LRP1B: variants seen among roughly 807,000 people sequenced by gnomAD.
LRP1B encodes the protein LDL receptor related protein 1B.
In LRP1B, 217 loss-of-function variants were observed where a neutral mutation model predicts 556.6. The observed-to-expected ratio is 0.39, with a 90% CI of 0.35 to 0.44. The LOEUF is 0.44. Among genes scored for constraint, LRP1B ranks in the 20% least tolerant of loss-of-function variants. The probability of loss-of-function intolerance (pLI) is 1.00; values close to 1 mark genes in which losing one functional copy is unlikely to be tolerated. For synonymous variants in LRP1B, 2,047 were observed against 1,865.8 expected (o/e 1.10, Z -2.50); for missense variants, 5,053 against 5,620.8 (o/e 0.90, Z 3.23).
chr2:141,163,572 G>A (rs1244303988), intron 7 of LRP1B, among the ~76,000 whole-genome samples: 1 of 152,044 alleles, frequency 6.6e-6, no homozygotes, highest in East Asian at 1.9e-4. Context: ...TAATTCCCAT[G>A]TGTTGTGGGA....
intron 1 of LRP1B, among the ~76,000 whole-genome samples, chr2:142,062,822 A>G (rs1704970547): frequency 6.6e-6 from 1 of 151,742 alleles, no homozygotes; most frequent in African/African-American, 2.4e-5. Flanking sequence ...ATGCCCAGAT[A>G]CTTTCAACAT....
chr2:141,299,527 G>A (rs1292542622), intron 3 of LRP1B, among the ~76,000 whole-genome samples: 4 of 152,054 alleles, frequency 2.6e-5, no homozygotes, highest in African/African-American at 9.7e-5. Context: ...TTCTTCTGTG[G>A]TCAGAGCAAA....
At chr2:141,479,667 A>G (rs1261610639) in intron 3 of LRP1B, among the ~76,000 whole-genome samples, 1 of 152,080 alleles carries the variant, frequency 6.6e-6, no homozygotes, top group Admixed American at 6.5e-5. Context: ...CTTGACTGAT[A>G]CCTTGATTCT....
At chr2:141,819,472 G>A (rs1046156958) in intron 1 of LRP1B, among the ~76,000 whole-genome samples, 7 of 152,122 alleles carry the variant, frequency 4.6e-5, no homozygotes, top group African/African-American at 1.4e-4. Context: ...TATGTTACTT[G>A]AGATAAGCCA....
chr2:140,751,613 G>C (rs190880084), intron 35 of LRP1B, among the ~76,000 whole-genome samples: 2 of 152,184 alleles, frequency 1.3e-5, no homozygotes, highest in East Asian at 3.9e-4. Context: ...AATTACAATT[G>C]ATGACATAGT....
At chr2:141,733,255 T>C (rs1693345098) in intron 2 of LRP1B, among the ~76,000 whole-genome samples, 1 of 152,166 alleles carries the variant, frequency 6.6e-6, no homozygotes, top group Non-Finnish European at 1.5e-5. Flanking sequence ...ACCACAAGGT[T>C]CCAGTTGCCT....
chr2:140,566,181 C>G (rs938873155), intron 43 of LRP1B, among the ~76,000 whole-genome samples: 3 of 152,138 alleles, frequency 2.0e-5, no homozygotes. Flanking sequence ...CATTCCCAAG[C>G]CATTCCACAA....
intron 41 of LRP1B, among the ~76,000 whole-genome samples, chr2:140,670,643 A>G (rs540771784): frequency 1.3e-5 from 2 of 151,784 alleles, no homozygotes; most frequent in East Asian, 3.9e-4. Flanking sequence ...GAACTGAGGA[A>G]CCAATGTTAT....
At chr2:141,220,507 C>A (rs1170898530) in intron 6 of LRP1B, among the ~76,000 whole-genome samples, 1 of 151,652 alleles carries the variant, frequency 6.6e-6, no homozygotes, top group Non-Finnish European at 1.5e-5. Flanking sequence ...TCACGACATC[C>A]AGGAGAACTT....
chr2:141,394,359 T>C (rs1690165353), intron 3 of LRP1B, among the ~76,000 whole-genome samples: 1 of 152,160 alleles, frequency 6.6e-6, no homozygotes, highest in Non-Finnish European at 1.5e-5. Context: ...ATAAATTTTC[T>C]TTGCTATTGG....
chr2:141,146,707 C>G (rs1701792583), intron 7 of LRP1B, among the ~76,000 whole-genome samples: 1 of 152,176 alleles, frequency 6.6e-6, no homozygotes, highest in Non-Finnish European at 1.5e-5. Flanking sequence ...TTGTCCTCCA[C>G]TCTCTTGGCA....
chr2:140,880,999 C>T (rs1413521798), intron 25 of LRP1B, among the ~76,000 whole-genome samples: 1 of 152,002 alleles, frequency 6.6e-6, no homozygotes, highest in Non-Finnish European at 1.5e-5. Context: ...GAAAATATAA[C>T]AGTATTTATA....
chr2:141,486,465 A>G (rs1683125541), intron 2 of LRP1B, among the ~76,000 whole-genome samples: 1 of 152,134 alleles, frequency 6.6e-6, no homozygotes, highest in Non-Finnish European at 1.5e-5. Context: ...CTGATTAAAG[A>G]AAATTGAGAT....
intron 41 of LRP1B, among the ~76,000 whole-genome samples, chr2:140,678,921 G>A (rs1285054524): frequency 6.6e-6 from 1 of 152,096 alleles, no homozygotes; most frequent in East Asian, 1.9e-4. Flanking sequence ...GGGATTACAG[G>A]CACCTGCCAT....
intron 2 of LRP1B, among the ~76,000 whole-genome samples, chr2:141,552,512 T>C (rs1427970356): frequency 6.6e-6 from 1 of 152,032 alleles, no homozygotes; most frequent in African/African-American, 2.4e-5. Flanking sequence ...GGTTATCTAT[T>C]TGGACTAATT....
At chr2:141,020,250 T>A (rs1213758971) in intron 11 of LRP1B, 148 bp from the exon 12 acceptor site, 3 of 468,254 alleles carry the variant, frequency 6.4e-6, no homozygotes, top group Non-Finnish European at 1.1e-5. Flanking sequence ...TTTTTGCAAA[T>A]GTCACTATTC....
chr2:141,388,817 G>A (rs113231808), intron 3 of LRP1B, among the ~76,000 whole-genome samples: 6,301 of 152,056 alleles, frequency 0.041, 166 homozygotes, highest in South Asian at 0.063. Context: ...AATTTGCCGG[G>A]CACATGATTG....
chr2:141,471,268 A>ATG (rs1553518973), intron 3 of LRP1B, among the ~76,000 whole-genome samples: 9,295 of 31,060 alleles, frequency 0.3, 674 homozygotes, highest in South Asian at 0.39. Context: ...ATACCCTGGT[A>ATG]TTTTTTTTTT....
At chr2:141,060,601 T>C (rs1398810704) in intron 8 of LRP1B, among the ~76,000 whole-genome samples, 5 of 151,758 alleles carry the variant, frequency 3.3e-5, no homozygotes, top group Non-Finnish European at 5.9e-5. Flanking sequence ...GATATCAACA[T>C]TGTTGTCACA....
Sources: allele counts gnomAD v4.1 joint callset (sites outside exome capture counted in the v4.1 genomes callset), GRCh38; gene constraint gnomAD v4.1.1; transcripts MANE v1.5; gene names NCBI Gene and HGNC (gene_info 2026-07-23, HGNC 2026-07-21).